The following FNDC3B variants were observed in gnomAD, a reference collection of about 807,000 sequenced individuals.
FNDC3B encodes the protein fibronectin type III domain containing 3B.
FNDC3B carries 12 observed loss-of-function variants against 151.5 expected under a neutral mutation model. The observed-to-expected ratio is 0.08, with a 90% CI of 0.05 to 0.13. The LOEUF (loss-of-function observed/expected upper bound fraction) is 0.13, where lower values mean the gene tolerates loss of function less well. Among genes scored for constraint, FNDC3B ranks in the 10% least tolerant of loss-of-function variants. FNDC3B has a pLI of 1.00. For synonymous variants in FNDC3B, 528 were observed against 549.0 expected (o/e 0.96, Z 0.54); for missense variants, 1,214 against 1,505.3 (o/e 0.81, Z 3.20).
intron 3 of FNDC3B, among the ~76,000 whole-genome samples, chr3:172,186,544 A>G (rs1316863681): frequency 6.6e-6 from 1 of 152,192 alleles, no homozygotes; most frequent in African/African-American, 2.4e-5. Context: ...TACACATGCC[A>G]TTTCCCCAAA....
intron 3 of FNDC3B, among the ~76,000 whole-genome samples, chr3:172,146,661 TGTTTATCAG>T (rs1290512134): frequency 1.3e-5 from 2 of 152,250 alleles, no homozygotes; most frequent in Non-Finnish European, 2.9e-5. Flanking sequence ...TACCTGTGGC[TGTTTATCAG>T]GTTCATCTTC....
At chr3:172,341,010 A>T in intron 16 of FNDC3B, 103 bp from the exon 17 acceptor site, 1 of 765,302 alleles carries the variant, frequency 1.3e-6, no homozygotes, top group South Asian at 1.5e-5. Flanking sequence ...GAAAAAGAAG[A>T]TGTTGGTTTT....
intron 1 of FNDC3B, among the ~76,000 whole-genome samples, chr3:172,076,705 G>T (rs1454514591): frequency 1.3e-5 from 2 of 152,068 alleles, no homozygotes; most frequent in African/African-American, 2.4e-5. Flanking sequence ...GGTTCAGACT[G>T]GTTAAAGGAA....
chr3:172,169,261 G>A (rs1465417338), intron 3 of FNDC3B, among the ~76,000 whole-genome samples: 1 of 152,184 alleles, frequency 6.6e-6, no homozygotes, highest in Non-Finnish European at 1.5e-5. Context: ...GCATACTCGA[G>A]CCCACCAAAG....
chr3:172,336,709 T>A (rs971275017), intron 15 of FNDC3B, among the ~76,000 whole-genome samples: 1 of 152,002 alleles, frequency 6.6e-6, no homozygotes, highest in Non-Finnish European at 1.5e-5. Flanking sequence ...AAGACCAGCC[T>A]GACTAACGTG....
At chr3:172,270,762 G>A (rs528337512) in intron 6 of FNDC3B, among the ~76,000 whole-genome samples, 2 of 152,220 alleles carry the variant, frequency 1.3e-5, no homozygotes, top group African/African-American at 2.4e-5. Flanking sequence ...TCACTCAAGG[G>A]GACTTCCAGA....
Position 172,040,915 on chromosome 3 carries a change from C to T in FNDC3B, c.-29+1144C>T, listed in dbSNP as rs1188125510. Among the ~76,000 whole-genome samples the T allele has an allele frequency of 1.3e-5, 2 of 152,178 alleles. No individual in the cohort carries two copies. The highest frequency in any genetic ancestry group is 4.8e-5 in the African/African-American group (2 of 41,458). On this transcript the variant is annotated intron_variant, in intron 1 of 25. Coordinates refer to ENST00000415807, the MANE Select transcript of FNDC3B (RefSeq NM_022763.4). The surrounding 1 kb of genome is among the most constrained non-coding windows in gnomAD (Gnocchi z 6.6). The stretch of plus-strand genomic sequence containing the variant: ...CCCGGCGGCGCCTTTGGCGGGGAGG[C>T]TTCCAGGAGTGCGCGGTCGGAGTTG...
chr3:172,041,696 C>T (rs1716084236), intron 1 of FNDC3B, among the ~76,000 whole-genome samples: 1 of 152,134 alleles, frequency 6.6e-6, no homozygotes, highest in Admixed American at 6.5e-5. Flanking sequence ...GTTGCTCCTC[C>T]ACCCCTAAGT....
chr3:172,293,369 C>T (rs1730438092), intron 7 of FNDC3B, among the ~76,000 whole-genome samples: 1 of 152,182 alleles, frequency 6.6e-6, no homozygotes, highest in South Asian at 2.1e-4. Flanking sequence ...GGAGCTATAG[C>T]AGTCTTCCTC....
intron 6 of FNDC3B, among the ~76,000 whole-genome samples, chr3:172,257,569 T>C (rs1281092503): frequency 3.5e-5 from 5 of 143,866 alleles, no homozygotes; most frequent in East Asian, 4.2e-4. Context: ...CACGCATTCA[T>C]ACACACACAC....
intron 7 of FNDC3B, among the ~76,000 whole-genome samples, chr3:172,286,886 G>A (rs1400712626): frequency 6.6e-6 from 1 of 152,190 alleles, no homozygotes; most frequent in African/African-American, 2.4e-5. Context: ...ATGCAGGGAA[G>A]AGCAGTGTTA....
chr3:172,332,207 T>A (rs1376294901), intron 13 of FNDC3B, among the ~76,000 whole-genome samples: 1 of 152,056 alleles, frequency 6.6e-6, no homozygotes, highest in African/African-American at 2.4e-5. Flanking sequence ...CAACCTCAGG[T>A]GATCTGCCCA....
At chr3:172,319,735 G>A (rs1236013323) in intron 11 of FNDC3B, among the ~76,000 whole-genome samples, 5 of 152,180 alleles carry the variant, frequency 3.3e-5, no homozygotes, top group African/African-American at 9.7e-5. Flanking sequence ...GAACACATAC[G>A]TGCTCTTTTA....
At chr3:172,310,459 G>A (rs1731412228) in intron 10 of FNDC3B, among the ~76,000 whole-genome samples, 1 of 152,236 alleles carries the variant, frequency 6.6e-6, no homozygotes, top group South Asian at 2.1e-4. Flanking sequence ...CAGACCTCCA[G>A]CAGTGCCTGT....
chr3:172,367,850 T>C (rs1018535720), intron 23 of FNDC3B, among the ~76,000 whole-genome samples: 4 of 152,268 alleles, frequency 2.6e-5, no homozygotes, highest in Non-Finnish European at 5.9e-5. Flanking sequence ...TCCCATGAAA[T>C]TGGGCTGGAG....
intron 1 of FNDC3B, among the ~76,000 whole-genome samples, chr3:172,073,079 A>G (rs531115535): frequency 4.3e-4 from 65 of 152,330 alleles, no homozygotes; most frequent in Non-Finnish European, 7.2e-4. Context: ...ATAATTAAAC[A>G]TGTCTGCAGC....
chr3:172,290,362 C>A (rs1730264978), intron 7 of FNDC3B, among the ~76,000 whole-genome samples: 1 of 152,126 alleles, frequency 6.6e-6, no homozygotes, highest in Non-Finnish European at 1.5e-5. Context: ...AGGTATTTAT[C>A]TTGGGACTGG....
At chr3:172,126,691 C>T (rs550855516) in intron 2 of FNDC3B, among the ~76,000 whole-genome samples, 30 of 152,160 alleles carry the variant, frequency 2.0e-4, no homozygotes, top group African/African-American at 4.8e-4. Flanking sequence ...AAAAGGTGGC[C>T]GAATTTAATT....
At chr3:172,234,838 C>T (rs1218048833) in intron 4 of FNDC3B, among the ~76,000 whole-genome samples, 1 of 152,066 alleles carries the variant, frequency 6.6e-6, no homozygotes, top group Non-Finnish European at 1.5e-5. Context: ...ATACCTTTTT[C>T]TGACCTGTTG....
Sources: allele counts gnomAD v4.1 joint callset (sites outside exome capture counted in the v4.1 genomes callset), GRCh38; gene constraint gnomAD v4.1.1; non-coding constraint Gnocchi (gnomAD v3.1); transcripts MANE v1.5; gene names NCBI Gene and HGNC (gene_info 2026-07-23, HGNC 2026-07-21).